The following RERE variants were observed in gnomAD, a reference collection of about 807,000 sequenced individuals.
The protein encoded by RERE is arginine-glutamic acid dipeptide repeats protein.
In RERE, 40 loss-of-function variants were observed where a neutral mutation model predicts 146.1. That is an observed-to-expected ratio of 0.27 (90% CI 0.21 to 0.36). The LOEUF is 0.36. RERE is among the 10% of genes least tolerant of loss of function. RERE has a pLI of 1.00. For missense variants in RERE, 1,933 were observed against 2,138.7 expected, an observed-to-expected ratio of 0.90 and a Z score of 1.90; for synonymous variants, 1,003 against 866.0, an observed-to-expected ratio of 1.16 and a Z score of -2.78.
At chr1:8,461,635 C>T (rs374949976) in intron 11 of RERE, among the ~76,000 whole-genome samples, 2 of 152,066 alleles carry the variant, frequency 1.3e-5, no homozygotes, top group Admixed American at 6.6e-5. Flanking sequence ...ACATCATACA[C>T]GCACACTGTC....
rs747000997 is a variant in RERE at position 8,356,161 on chromosome 1, G to C, written c.4425C>G (p.Leu1475=). The C allele has an allele frequency of 6.6e-7, 1 of 1,521,104 alleles. No homozygotes were observed. The highest frequency in any genetic ancestry group is 1.5e-5 in the African/African-American group (1 of 68,410). The allele number at this position is 1,521,104 out of a possible 1,614,324, so 94.2% of individuals were successfully genotyped here. ...GGGGCTGTCCAAGCAGAGGGTTGGGGAGAGTGCCAGGCGGGTAGGGGAAGC... is the reference window on the plus strand; with the variant it reads ...GGGGCTGTCCAAGCAGAGGGTTGGGCAGAGTGCCAGGCGGGTAGGGGAAGC... ...LARFPYPPGT[L]PNPLLGQPPH... The change falls in exon 21 of 23, where the codon CTC becomes CTG. Residue 1475 remains leucine, a synonymous_variant. Coordinates refer to ENST00000400908, the MANE Select transcript of RERE (RefSeq NM_001042681.2). This position sits in a 1 kb window ranked among gnomAD's most constrained non-coding sequence, Gnocchi z 5.2.
At chr1:8,515,195 T>C (rs1314126798) in intron 7 of RERE, among the ~76,000 whole-genome samples, 2 of 151,768 alleles carry the variant, frequency 1.3e-5, no homozygotes, top group African/African-American at 2.4e-5. Flanking sequence ...ACAGGCTTTA[T>C]AAAAAATGTT....
At chr1:8,386,013 TATATATA>T (rs1393846513) in intron 12 of RERE, among the ~76,000 whole-genome samples, 9 of 42,262 alleles carry the variant, frequency 2.1e-4, no homozygotes, top group Non-Finnish European at 3.1e-4. Flanking sequence ...TATATATATA[TATATATA>T]TATTTTTTTT....
intron 2 of RERE, among the ~76,000 whole-genome samples, chr1:8,633,162 A>G (rs1376398803): frequency 1.3e-5 from 2 of 152,244 alleles, no homozygotes; most frequent in East Asian, 3.8e-4. Context: ...GCTCACACTT[A>G]TAATCCCAAC....
intron 1 of RERE, among the ~76,000 whole-genome samples, chr1:8,656,668 G>C (rs1169187520): frequency 1.3e-5 from 2 of 152,140 alleles, no homozygotes; most frequent in Admixed American, 1.3e-4. Context: ...ATGCCTAAGA[G>C]TAAACTACAC....
chr1:8,427,761 C>T (rs1040750734), intron 11 of RERE, among the ~76,000 whole-genome samples: 3 of 151,824 alleles, frequency 2.0e-5, no homozygotes, highest in Non-Finnish European at 4.4e-5. Flanking sequence ...CAGCCTTTAG[C>T]TTGTGGTTTA....
At chr1:8,795,917 G>A (rs1641460935) in intron 1 of RERE, among the ~76,000 whole-genome samples, 1 of 149,994 alleles carries the variant, frequency 6.7e-6, no homozygotes, top group Non-Finnish European at 1.5e-5. Flanking sequence ...AGGAGACAGA[G>A]GTTGTGGTGA....
chr1:8,653,753 T>C (rs1044049987), intron 2 of RERE, among the ~76,000 whole-genome samples: 1 of 150,714 alleles, frequency 6.6e-6, no homozygotes, highest in Non-Finnish European at 1.5e-5. Flanking sequence ...ATGATTTAGA[T>C]GTGCGTACGC....
At chr1:8,473,880 T>C (rs1176191031) in intron 10 of RERE, among the ~76,000 whole-genome samples, 1 of 152,232 alleles carries the variant, frequency 6.6e-6, no homozygotes, top group Non-Finnish European at 1.5e-5. Flanking sequence ...AGTAATATTT[T>C]AGATACATGG....
chr1:8,548,878 G>A (rs768307320), intron 6 of RERE, among the ~76,000 whole-genome samples: 48 of 152,218 alleles, frequency 3.2e-4, no homozygotes, highest in Middle Eastern at 3.4e-3. Context: ...TCAGCCACTC[G>A]GGAGGCTGAA....
intron 1 of RERE, among the ~76,000 whole-genome samples, chr1:8,725,018 G>A (rs1267068724): frequency 1.3e-5 from 2 of 152,028 alleles, no homozygotes; most frequent in African/African-American, 4.8e-5. Flanking sequence ...AAGTTCTAAT[G>A]AGTAGTGTAT....
At chr1:8,759,733 C>A (rs961254827) in intron 1 of RERE, among the ~76,000 whole-genome samples, 6 of 151,928 alleles carry the variant, frequency 3.9e-5, no homozygotes, top group African/African-American at 1.5e-4. Flanking sequence ...GAACTTAGAA[C>A]ACTACACAAG....
chr1:8,732,025 G>A (rs920738117), intron 1 of RERE, among the ~76,000 whole-genome samples: 16 of 151,930 alleles, frequency 1.1e-4, no homozygotes, highest in African/African-American at 3.6e-4. Context: ...GGATGGTCTC[G>A]ATCTCCTGAC....
At position 8,361,001 on chromosome 1, in the gene RERE, G is replaced by A. The variant is rs934704028; in HGVS notation, c.2506C>T (p.Pro836Ser). 2.1e-6 allele frequency: 3 copies of A among 1,438,646 alleles called. No homozygotes were observed. Among genetic ancestry groups the A allele is most frequent in the Non-Finnish European group, 2.7e-6 (3 of 1,102,202 alleles). 89.1% of individuals were successfully genotyped at this position (1,438,646 alleles called of 1,614,324 possible). The change falls in exon 18 of 23, where the codon CCT (proline) becomes TCT (serine). Residue 836 changes from proline to serine, a missense_variant. Around this residue, in one of 11 missense-constraint regions of RERE, gnomAD observed 1,255 missense variants for 1,153.8 expected, o/e 1.09. Transcript: ENST00000400908. The stretch of plus-strand genomic sequence containing the variant: ...GGCTGGGCATGAGAGGGTGCAGAAG[G>A]CTGGCCCGCCGACCCAGTCAGAGGC... ...LQPLTGSAGQ[P>S]SAPSHAQPPL...
At chr1:8,597,467 A>G (rs923078682) in intron 4 of RERE, among the ~76,000 whole-genome samples, 1 of 152,234 alleles carries the variant, frequency 6.6e-6, no homozygotes, top group African/African-American at 2.4e-5. Flanking sequence ...CAGGTCACTG[A>G]AATGATAACC....
chr1:8,545,521 T>A (rs935185680), intron 6 of RERE, among the ~76,000 whole-genome samples: 2 of 152,022 alleles, frequency 1.3e-5, no homozygotes, highest in Non-Finnish European at 2.9e-5. Flanking sequence ...TCTTCCCGTA[T>A]CCCCAGGCAT....
intron 1 of RERE, among the ~76,000 whole-genome samples, chr1:8,693,135 T>C (rs1377460984): frequency 6.6e-6 from 1 of 152,196 alleles, no homozygotes; most frequent in Non-Finnish European, 1.5e-5. Flanking sequence ...CTCTCATTCA[T>C]TGCTTGTGGG....
Position 8,356,240 on chromosome 1 carries a change from G to A in RERE, c.4346C>T (p.Ala1449Val), listed in dbSNP as rs745619849. 7.9e-6 allele frequency: 12 copies of A among 1,522,404 alleles called. No individual in the cohort carries two copies. The African/African-American group carries it at 8.8e-5, about 11-fold the overall frequency. 94.3% of individuals were successfully genotyped at this position (1,522,404 alleles called of 1,614,324 possible). A position where few individuals can be genotyped will look rare whatever the true frequency, so the allele number is the denominator to read the frequency against. ...GTCGACCAGCGGGTGAACGGGGCCT[G>A]CTGAACCTAAGGAAAGGACAAAACG... Reference protein sequence around the residue: ...HQQDPLHQGSAGPVHPLVDPL... With the variant: ...HQQDPLHQGSVGPVHPLVDPL... Residue 1449 changes from alanine (A) to valine (V), a missense_variant, in exon 21 of 23, where the codon GCA (alanine) becomes GTA (valine). This residue lies in a region of RERE where 133 missense variants were observed against 168.6 expected (regional missense o/e 0.79). Coordinates refer to ENST00000400908, the MANE Select transcript of RERE (RefSeq NM_001042681.2). This position sits in a 1 kb window ranked among gnomAD's most constrained non-coding sequence, Gnocchi z 5.2.
At chr1:8,366,285 A>G (rs1043037667) in intron 12 of RERE, among the ~76,000 whole-genome samples, 2 of 152,228 alleles carry the variant, frequency 1.3e-5, no homozygotes, top group African/African-American at 4.8e-5. Context: ...GGAGGTACAC[A>G]TCATCCACAA....
Sources: allele counts gnomAD v4.1 joint callset (sites outside exome capture counted in the v4.1 genomes callset), GRCh38; gene constraint gnomAD v4.1.1; regional missense constraint gnomAD v4.1.1; non-coding constraint Gnocchi (gnomAD v3.1); transcripts MANE v1.5; gene names NCBI Gene and HGNC (gene_info 2026-07-23, HGNC 2026-07-21).